WDFY3: variants seen among roughly 807,000 people sequenced by gnomAD.
The protein encoded by WDFY3 is WD repeat and FYVE domain-containing protein 3.
WDFY3 carries 66 observed loss-of-function variants against 409.6 expected under a neutral mutation model. The observed-to-expected ratio is 0.16, with a 90% CI of 0.13 to 0.20. The LOEUF (loss-of-function observed/expected upper bound fraction) is 0.20. Among genes scored for constraint, WDFY3 ranks in the 10% least tolerant of loss-of-function variants. WDFY3 has a pLI of 1.00. For synonymous variants in WDFY3, 1,521 were observed against 1,537.1 expected, an observed-to-expected ratio of 0.99 and a Z score of 0.25; for missense variants, 3,031 against 4,298.1, an observed-to-expected ratio of 0.71 and a Z score of 8.24.
chr4:84,964,226 G>C (rs934535841), intron 1 of WDFY3, among the ~76,000 whole-genome samples: 6 of 152,210 alleles, frequency 3.9e-5, no homozygotes, highest in Admixed American at 3.3e-4. Context: ...CCAGCACTTA[G>C]AGAGGCTAAG....
chr4:84,686,451 T>G (rs371186422), intron 62 of WDFY3, among the ~76,000 whole-genome samples: 12 of 152,232 alleles, frequency 7.9e-5, no homozygotes, highest in African/African-American at 2.9e-4. Context: ...GATTGACAAC[T>G]GTAAGTGAAT....
intron 1 of WDFY3, among the ~76,000 whole-genome samples, chr4:84,942,432 C>A (rs1402978205): frequency 6.6e-6 from 1 of 152,156 alleles, no homozygotes; most frequent in Non-Finnish European, 1.5e-5. Context: ...TGAAAGCTCA[C>A]TACCATTATT....
At chr4:84,809,367 G>A (rs916452540) in intron 14 of WDFY3, 8 of 153,314 alleles carry the variant, frequency 5.2e-5, no homozygotes, top group African/African-American at 1.9e-4. Context: ...TTTTTGTTAA[G>A]TACTTATTTC....
At chr4:84,805,378 G>T (rs1472086976) in intron 15 of WDFY3, among the ~76,000 whole-genome samples, 1 of 152,084 alleles carries the variant, frequency 6.6e-6, no homozygotes, top group Admixed American at 6.6e-5. Context: ...TACATTCATT[G>T]TTTTCAAACC....
chr4:84,867,881 G>C (rs979290055), intron 3 of WDFY3, among the ~76,000 whole-genome samples: 2 of 152,020 alleles, frequency 1.3e-5, no homozygotes, highest in African/African-American at 4.8e-5. Context: ...AGAATTATAA[G>C]CAATTCCTGC....
chr4:84,738,510 G>A (rs775984890), intron 40 of WDFY3, among the ~76,000 whole-genome samples: 3 of 151,446 alleles, frequency 2.0e-5, no homozygotes, highest in Admixed American at 6.6e-5. Flanking sequence ...GCTGAGACAT[G>A]AGAATCACTT....
chr4:84,911,304 T>C (rs569500378), intron 2 of WDFY3, among the ~76,000 whole-genome samples: 2 of 152,074 alleles, frequency 1.3e-5, no homozygotes, highest in Non-Finnish European at 2.9e-5. Flanking sequence ...CTGGAAAACA[T>C]AGTGAGACCC....
chr4:84,701,898 G>A (rs530476444), intron 56 of WDFY3, among the ~76,000 whole-genome samples: 5 of 152,144 alleles, frequency 3.3e-5, no homozygotes, highest in Non-Finnish European at 7.4e-5. Context: ...TGGAAAATTT[G>A]GATGTACCAC....
Position 84,671,344 on chromosome 4 carries a change from C to A in WDFY3, c.*1524G>T, listed in dbSNP as rs1037267230. On this transcript the variant is annotated 3_prime_UTR_variant, in exon 68 of 68. Coordinates refer to ENST00000295888, the MANE Select transcript of WDFY3 (RefSeq NM_014991.6). ...GTGAGGGTGTGAAGGCCTTTCCTTT[C>A]GCACCTGTGAAGGTGTGAAGGCCTA... 6.6e-6 allele frequency: 1 copy of A among 152,616 alleles called. No individual in the cohort carries two copies. The highest frequency in any genetic ancestry group is 1.5e-5 in the Non-Finnish European group (1 of 68,010). The allele number at this position is 152,616 out of a possible 1,614,324, so 9.5% of individuals were successfully genotyped here. A position where few individuals can be genotyped will look rare whatever the true frequency, so the allele number is the denominator to read the frequency against.
intron 27 of WDFY3, 75 bp from the exon 28 acceptor site, chr4:84,775,213 C>G: frequency 2.5e-6 from 3 of 1,206,058 alleles, no homozygotes; most frequent in Non-Finnish European, 3.6e-6. Context: ...AACACCAATA[C>G]AGCACATGGA....
intron 1 of WDFY3, among the ~76,000 whole-genome samples, chr4:84,947,540 A>G (rs1048650720): frequency 8.9e-5 from 13 of 146,548 alleles, no homozygotes; most frequent in Non-Finnish European, 1.5e-4. Context: ...AATAATAATA[A>G]TAAAAATAAT....
intron 22 of WDFY3, among the ~76,000 whole-genome samples, chr4:84,788,013 C>T (rs79843971): frequency 2.6e-5 from 4 of 152,132 alleles, no homozygotes; most frequent in South Asian, 2.1e-4. Flanking sequence ...AAGTTAATGA[C>T]GCTTCTCTGA....
At chr4:84,872,135 A>G (rs1257350668) in intron 3 of WDFY3, among the ~76,000 whole-genome samples, 3 of 152,132 alleles carry the variant, frequency 2.0e-5, no homozygotes, top group Admixed American at 6.6e-5. Flanking sequence ...AGATCAAGAT[A>G]AGCAAAAGGT....
intron 30 of WDFY3, among the ~76,000 whole-genome samples, chr4:84,771,319 G>A (rs1444534336): frequency 6.6e-6 from 1 of 152,124 alleles, no homozygotes; most frequent in Non-Finnish European, 1.5e-5. Flanking sequence ...TGTATTTTTT[G>A]TAGAGACGGA....
chr4:84,937,239 G>C (rs1292886345), intron 1 of WDFY3, among the ~76,000 whole-genome samples: 1 of 152,036 alleles, frequency 6.6e-6, no homozygotes, highest in East Asian at 1.9e-4. Context: ...CATCTTTCTT[G>C]ACTTATCTGC....
rs1343493072 is a variant in WDFY3 at position 84,810,189 on chromosome 4, C to T, written c.2043G>A (p.Val681=). 2 of 1,613,978 alleles carry T rather than the reference C, an allele frequency of 1.2e-6. No homozygotes were observed. Among genetic ancestry groups the T allele is most frequent in the African/African-American group, 1.3e-5 (1 of 74,888 alleles). Reference sequence around the variant, plus strand: ...AGAACACAGTGTGAAGAAGTTCAAACACTTGATTCTGGTTCACTTTCTCCC... The same window carrying T: ...AGAACACAGTGTGAAGAAGTTCAAATACTTGATTCTGGTTCACTTTCTCCC... ...NGWEKVNQNQ[V]FELLHTVFCT... The change falls in exon 14 of 68, where the codon GTG becomes GTA. Residue 681 remains valine (V), a synonymous_variant. Transcript: ENST00000295888.
intron 1 of WDFY3, among the ~76,000 whole-genome samples, chr4:84,944,764 C>T (rs1772597596): frequency 6.6e-6 from 1 of 152,036 alleles, no homozygotes; most frequent in Non-Finnish European, 1.5e-5. Flanking sequence ...TGCACTCCAG[C>T]CTGGGCAACA....
intron 1 of WDFY3, among the ~76,000 whole-genome samples, chr4:84,948,721 T>C (rs1216620268): frequency 2.6e-5 from 4 of 152,190 alleles, no homozygotes; most frequent in Non-Finnish European, 5.9e-5. Flanking sequence ...GCTCAGCTAT[T>C]ATAACTAAGC....
intron 1 of WDFY3, among the ~76,000 whole-genome samples, chr4:84,938,800 T>G (rs757337980): frequency 6.6e-6 from 1 of 152,156 alleles, no homozygotes; most frequent in Non-Finnish European, 1.5e-5. Flanking sequence ...CTTGCATTCA[T>G]ACACACACAT....
Sources: gnomAD v4.1 joint callset for allele counts (sites outside exome capture counted in the v4.1 genomes callset) on GRCh38, gnomAD v4.1.1 for gene constraint, MANE v1.5 for transcripts, NCBI Gene and HGNC (gene_info 2026-07-23, HGNC 2026-07-21) for gene names.